Variants in DAO observed in about 807,000 individuals in gnomAD.
The protein encoded by DAO is D-amino-acid oxidase.
Under a neutral mutation model 50.1 loss-of-function variants are expected in DAO, and 51 were observed. The ratio of observed to expected loss-of-function variants is 1.02; its 90% CI spans 0.81 to 1.29. The LOEUF is 1.29. Ranked by LOEUF, DAO falls within the 50% of genes most tolerant of loss-of-function variation. The pLI, the probability that DAO is intolerant of heterozygous loss-of-function variation, is 0.00. For missense variants in DAO, 436 were observed against 439.4 expected, an observed-to-expected ratio of 0.99 and a Z score of 0.07; for synonymous variants, 160 against 166.2, an observed-to-expected ratio of 0.96 and a Z score of 0.29.
At position 108,891,356 on chromosome 12, in the gene DAO, G is replaced by A. The variant is rs568836743; in HGVS notation, c.452+1083G>A. 1.1e-4 allele frequency among the ~76,000 whole-genome samples: 16 copies of A among 151,700 alleles called. 4 individuals are homozygous for A. Among genetic ancestry groups the A allele is most frequent in the African/African-American group, 3.9e-4 (16 of 41,376 alleles). ...TCACAGCTACTTAGGAGGCTGAGGTGGGAGGATGGCTTTATCCCGGGAAGG... is the reference window on the plus strand; with the variant it reads ...TCACAGCTACTTAGGAGGCTGAGGTAGGAGGATGGCTTTATCCCGGGAAGG... On this transcript the variant is annotated intron_variant, in intron 5 of 10. Transcript: ENST00000228476.
chr12:108,890,603 T>C (rs758309345), intron 5 of DAO, among the ~76,000 whole-genome samples: 2 of 152,228 alleles, frequency 1.3e-5, no homozygotes, highest in Admixed American at 6.5e-5. Context: ...AAACATAAGC[T>C]GCCTTTTATT....
Position 108,900,427 on chromosome 12 carries a change from AG to A in DAO, c.938del (p.Gly313AlafsTer55). ...TEVIHNYGHG[G>X]YGLTIHWGCA... ...AGGTCATCCACAACTATGGCCATGG[AG>A]GCTACGGGCTCACCATCCACTGGGG... On this transcript the variant is annotated frameshift_variant, in exon 11 of 11. Coordinates refer to ENST00000228476, the MANE Select transcript of DAO (RefSeq NM_001917.5). LOFTEE classifies it high-confidence loss of function. 9 of 1,614,096 alleles carry A rather than the reference AG, an allele frequency of 5.6e-6. No homozygotes were observed. The highest frequency in any genetic ancestry group is 7.6e-6 in the Non-Finnish European group (9 of 1,179,986).
Position 108,889,164 on chromosome 12 carries a change from G to A in DAO, c.310-305G>A, listed in dbSNP as rs938378991. Among the ~76,000 whole-genome samples the A allele has an allele frequency of 9.9e-5, 15 of 151,580 alleles. No homozygotes were observed. The East Asian group carries it at 2.5e-3, about 25-fold the overall frequency. On this transcript the variant is annotated intron_variant, in intron 3 of 10. Transcript: ENST00000228476. ...TCTGTGGCCCAGGCTGGAGTGCAGC[G>A]GCACAATTTCGGCTTACTGCAACCT...
At position 108,898,660 on chromosome 12, in the gene DAO, C is replaced by A; in HGVS notation, c.696-19C>A. 1 of 1,525,746 alleles carries A rather than the reference C, an allele frequency of 6.6e-7. No homozygotes were observed. The highest frequency in any genetic ancestry group is 1.1e-5 in the South Asian group (1 of 89,244). 94.5% of individuals were successfully genotyped at this position (1,525,746 alleles called of 1,614,324 possible). A position where few individuals can be genotyped will look rare whatever the true frequency, so the allele number is the denominator to read the frequency against. On this transcript the variant is annotated intron_variant, in intron 8 of 10. Transcript: ENST00000228476. Reference sequence around the variant, plus strand: ...GCCTTCATTTTCCTTCATCCTTGACCCTCCTCATTTGTATCTAGGACCCAG... The same window carrying A: ...GCCTTCATTTTCCTTCATCCTTGACACTCCTCATTTGTATCTAGGACCCAG...
rs972009046 is a variant in DAO, at chr12:108,892,962, G to C, written c.453-20G>C. 1 of 1,613,242 alleles carries C rather than the reference G, an allele frequency of 6.2e-7. No homozygotes were observed. The highest frequency in any genetic ancestry group is 8.5e-7 in the Non-Finnish European group (1 of 1,179,166). ...CAGATAGCTGAATACTGGGCTTTTT[G>C]ATGTGTTTGATCATCCCAGGTTAAC... On this transcript the variant is annotated intron_variant, in intron 5 of 10. Coordinates refer to ENST00000228476, the MANE Select transcript of DAO (RefSeq NM_001917.5).
intron 8 of DAO, among the ~76,000 whole-genome samples, chr12:108,897,617 T>C (rs1037706290): frequency 6.6e-6 from 1 of 151,982 alleles, no homozygotes; most frequent in Non-Finnish European, 1.5e-5. Context: ...ATGACAATAG[T>C]GGTGATGCTG....
intron 2 of DAO, 25 bp from the exon 3 acceptor site, chr12:108,887,425 A>G: frequency 6.4e-7 from 1 of 1,572,986 alleles, no homozygotes; most frequent in Non-Finnish European, 8.8e-7. Context: ...GCATTGGGTG[A>G]TCGAACTCTT....
chr12:108,897,931 A>G (rs2039577834), intron 8 of DAO, among the ~76,000 whole-genome samples: 1 of 149,484 alleles, frequency 6.7e-6, no homozygotes, highest in East Asian at 2.0e-4. Flanking sequence ...TGGGCCACAG[A>G]GCGAGACCCC....
At position 108,889,498 on chromosome 12, in the gene DAO, A is replaced by T. The variant is rs778166215; in HGVS notation, c.339A>T (p.Gly113=). 1.6e-5 allele frequency: 25 copies of T among 1,612,770 alleles called. No individual in the cohort carries two copies. The East Asian group carries it at 5.4e-4, about 35-fold the overall frequency. ...PDPSWKDTVL[G]FRKLTPRELD... is the part of the protein sequence containing the mutation. The stretch of plus-strand genomic sequence containing the variant: ...CTTCCTGGAAGGACACAGTTCTGGG[A>T]TTTCGGAAGCTGACCCCCAGAGAGC... Residue 113 remains glycine (G), a synonymous_variant, in exon 4 of 11, where the codon GGA becomes GGT. Coordinates refer to ENST00000228476, the MANE Select transcript of DAO (RefSeq NM_001917.5).
At chr12:108,887,301 T>G in intron 2 of DAO, 149 bp from the exon 3 acceptor site, 1 of 752,636 alleles carries the variant, frequency 1.3e-6, no homozygotes, top group Non-Finnish European at 2.5e-6. Context: ...CCCAAGGCAT[T>G]TGGGGAGTTG....
At chr12:108,884,438 T>C (rs2039412196) in intron 1 of DAO, among the ~76,000 whole-genome samples, 2 of 152,208 alleles carry the variant, frequency 1.3e-5, no homozygotes. Flanking sequence ...AAGCACTTAG[T>C]GCCGGGGCCA....
At chr12:108,880,432 T>C (rs1168171454) in intron 1 of DAO, 6 of 305,760 alleles carry the variant, frequency 2.0e-5, no homozygotes, top group Non-Finnish European at 3.2e-5. Flanking sequence ...TTTCTTCACC[T>C]GGAACATGGG....
chr12:108,890,836 T>A (rs967488873), intron 5 of DAO, among the ~76,000 whole-genome samples: 1 of 152,194 alleles, frequency 6.6e-6, no homozygotes, highest in Non-Finnish European at 1.5e-5. Flanking sequence ...TTTGTGTGTG[T>A]GAGATGGAGT....
At position 108,885,003 on chromosome 12, in the gene DAO, T is replaced by G; in HGVS notation, c.-4T>G. ...TCAACCCTTCCTTCCCACAGGCTGC[T>G]GCAATGCGTGTGGTGGTGATTGGAG... On this transcript the variant is annotated 5_prime_UTR_variant, in exon 2 of 11. Coordinates refer to ENST00000228476, the MANE Select transcript of DAO (RefSeq NM_001917.5). 1 of 1,614,100 alleles carries G rather than the reference T, an allele frequency of 6.2e-7. No homozygotes were observed. The highest frequency in any genetic ancestry group is 8.5e-7 in the Non-Finnish European group (1 of 1,179,962).
Position 108,888,236 on chromosome 12 carries a change from G to A in DAO, c.309+672G>A, listed in dbSNP as rs138983926. ...GGCTCCTTGGAGAGGGTGGTCTGGC[G>A]CTGTGCCCAGAGCCCCGTGCCAGCT... is the stretch of plus-strand genomic sequence containing the variant. On this transcript the variant is annotated intron_variant, in intron 3 of 10. Coordinates refer to ENST00000228476, the MANE Select transcript of DAO (RefSeq NM_001917.5). Among the ~76,000 whole-genome samples the A allele has an allele frequency of 3.9e-3, 597 of 152,278 alleles. 4 individuals are homozygous for A. The highest frequency in any genetic ancestry group is 0.014 in the African/African-American group (577 of 41,572).
At chr12:108,898,829 C>G (rs1210163765) in intron 9 of DAO, 33 bp downstream of exon 9, 1 of 1,480,820 alleles carries the variant, frequency 6.8e-7, no homozygotes, top group Non-Finnish European at 9.4e-7. Context: ...TGCCCTAAAC[C>G]AAGGTCGTGG....
intron 1 of DAO, among the ~76,000 whole-genome samples, chr12:108,884,399 T>C (rs559433281): frequency 1.3e-5 from 2 of 152,288 alleles, no homozygotes; most frequent in South Asian, 4.1e-4. Context: ...ATGACAGTGT[T>C]GGGAGACTTG....
intron 5 of DAO, among the ~76,000 whole-genome samples, chr12:108,891,105 G>A (rs2039486149): frequency 1.3e-5 from 2 of 152,164 alleles, no homozygotes; most frequent in Non-Finnish European, 2.9e-5. Context: ...ACAGGTGTCA[G>A]CCACCACGCC....
intron 1 of DAO, chr12:108,883,715 C>T (rs968761183): frequency 3.4e-5 from 15 of 442,324 alleles, no homozygotes; most frequent in African/African-American, 2.6e-4. Flanking sequence ...GAGGGGCTGT[C>T]CCCTAAGCCC....
Sources: allele counts gnomAD v4.1 joint callset (sites outside exome capture counted in the v4.1 genomes callset), GRCh38; gene constraint gnomAD v4.1.1; transcripts MANE v1.5; gene names NCBI Gene and HGNC (gene_info 2026-07-23, HGNC 2026-07-21).